VWA8: variants seen among roughly 807,000 people sequenced by gnomAD.
VWA8 encodes the protein von Willebrand factor A domain containing 8.
Under a neutral mutation model 241.5 loss-of-function variants are expected in VWA8, and 221 were observed. The ratio of observed to expected loss-of-function variants is 0.91; its 90% CI spans 0.82 to 1.02. VWA8 has a LOEUF of 1.02. Among genes scored for constraint, VWA8 ranks in the 50% least tolerant of loss-of-function variants. The pLI, the probability that VWA8 is intolerant of heterozygous loss-of-function variation, is 0.00. For synonymous variants in VWA8, 852 were observed against 827.1 expected (o/e 1.03, Z -0.52); for missense variants, 2,322 against 2,328.7 (o/e 1.00, Z 0.06).
At chr13:41,739,941 G>A (rs1004826838) in intron 21 of VWA8, among the ~76,000 whole-genome samples, 29 of 143,040 alleles carry the variant, frequency 2.0e-4, no homozygotes, top group Non-Finnish European at 2.3e-4. Flanking sequence ...TGCAAGCTCC[G>A]CCTCCCAGGT....
Position 41,949,885 on chromosome 13 carries a change from A to G in VWA8, c.241+51T>C, listed in dbSNP as rs113288631. On this transcript the variant is annotated intron_variant, in intron 2 of 44. Transcript: ENST00000379310. ...GCTTTAAATAACTTTGAAAATTCCT[A>G]TAATGAAAAGTTAAAAGTTATTCAT... 495 of 1,143,788 alleles carry G rather than the reference A, an allele frequency of 4.3e-4. 5 individuals carry two copies. In the African/African-American group the frequency reaches 6.4e-3, roughly 15 times the overall value. 70.9% of individuals were successfully genotyped at this position (1,143,788 alleles called of 1,614,324 possible).
intron 42 of VWA8, among the ~76,000 whole-genome samples, chr13:41,578,223 T>C (rs1340221562): frequency 6.6e-6 from 1 of 152,194 alleles, no homozygotes; most frequent in African/African-American, 2.4e-5. Flanking sequence ...GACCAGCCTT[T>C]GTCTGTGCCT....
chr13:41,957,497 T>C (rs541849302), intron 1 of VWA8, among the ~76,000 whole-genome samples: 4 of 152,142 alleles, frequency 2.6e-5, no homozygotes, highest in African/African-American at 9.7e-5. Flanking sequence ...TCCCAGCTAC[T>C]TGGGAGGCTG....
rs376164036 is a variant in VWA8 at position 41,585,293 on chromosome 13, T to C, written c.5271+2219A>G. ...CTGCGTGACAATCATACCACCTCCC[T>C]GGAGGCATCGGAATGGCACCCTGAA... On this transcript the variant is annotated intron_variant, in intron 42 of 44. Transcript: ENST00000379310. Among the ~76,000 whole-genome samples the C allele has an allele frequency of 7.9e-5, 12 of 152,320 alleles. No homozygotes were observed. The East Asian group carries it at 1.7e-3, about 22-fold the overall frequency.
intron 2 of VWA8, among the ~76,000 whole-genome samples, chr13:41,932,054 C>CCTCT: frequency 6.6e-6 from 1 of 152,076 alleles, no homozygotes; most frequent in South Asian, 2.1e-4. Flanking sequence ...AATTGACAAA[C>CCTCT]CTCTGGTCAG....
intron 37 of VWA8, among the ~76,000 whole-genome samples, chr13:41,633,791 G>A (rs1025834113): frequency 6.6e-5 from 10 of 152,090 alleles, no homozygotes; most frequent in African/African-American, 9.6e-5. Context: ...TTCTACAATC[G>A]AACATAGGCG....
intron 43 of VWA8, among the ~76,000 whole-genome samples, chr13:41,571,848 A>G (rs1279550237): frequency 1.4e-5 from 2 of 143,938 alleles, no homozygotes; most frequent in Non-Finnish European, 3.0e-5. Context: ...CTGGCCGCCC[A>G]GTCTGGGAAG....
chr13:41,870,631 G>A (rs1453320360), intron 9 of VWA8, among the ~76,000 whole-genome samples: 2 of 133,832 alleles, frequency 1.5e-5, no homozygotes, highest in Non-Finnish European at 3.1e-5. Context: ...GCAAGACTCC[G>A]TCTCAAAAAA....
chr13:41,863,080 G>A (rs1460036350), intron 12 of VWA8, among the ~76,000 whole-genome samples: 4 of 152,092 alleles, frequency 2.6e-5, no homozygotes, highest in Non-Finnish European at 5.9e-5. Context: ...AAACACTTGA[G>A]TCAGTGGGCT....
chr13:41,752,058 C>T (rs929485984), intron 21 of VWA8, among the ~76,000 whole-genome samples: 1 of 152,100 alleles, frequency 6.6e-6, no homozygotes, highest in Non-Finnish European at 1.5e-5. Context: ...TTCCCCCCAC[C>T]CTCCACATAG....
intron 36 of VWA8, 119 bp from the exon 37 acceptor site, chr13:41,671,266 ATACCTGCTC>A: frequency 9.1e-7 from 1 of 1,101,084 alleles, no homozygotes; most frequent in Non-Finnish European, 1.3e-6. Flanking sequence ...TCATTATTTT[ATACCTGCTC>A]TTACCTCTGT....
At chr13:41,579,848 AT>A (rs1270596051) in intron 42 of VWA8, among the ~76,000 whole-genome samples, 1 of 151,948 alleles carries the variant, frequency 6.6e-6, no homozygotes, top group Non-Finnish European at 1.5e-5. Flanking sequence ...GGTTGTTTTT[AT>A]TTTTTGATTT....
intron 28 of VWA8, among the ~76,000 whole-genome samples, chr13:41,700,652 C>A (rs1020394554): frequency 2.0e-5 from 3 of 152,114 alleles, no homozygotes; most frequent in Admixed American, 6.5e-5. Context: ...CATACAGATA[C>A]AAGATTTATA....
At chr13:41,656,427 G>A (rs2044905931) in intron 37 of VWA8, among the ~76,000 whole-genome samples, 1 of 152,074 alleles carries the variant, frequency 6.6e-6, no homozygotes. Context: ...TCCAATATGA[G>A]TGAGCTCTTT....
intron 19 of VWA8, among the ~76,000 whole-genome samples, chr13:41,782,398 T>C (rs1868930175): frequency 6.6e-6 from 1 of 152,212 alleles, no homozygotes; most frequent in Non-Finnish European, 1.5e-5. Flanking sequence ...CTTTCCACTA[T>C]ATGAATAGAG....
intron 17 of VWA8, among the ~76,000 whole-genome samples, chr13:41,788,228 T>C (rs1313770471): frequency 6.6e-6 from 1 of 152,230 alleles, no homozygotes; most frequent in African/African-American, 2.4e-5. Flanking sequence ...ATGGTACCCA[T>C]GGTTTAACTA....
chr13:41,698,995 T>C (rs2045231958), intron 29 of VWA8, 76 bp downstream of exon 29: 1 of 1,587,172 alleles, frequency 6.3e-7, no homozygotes, highest in Admixed American at 1.7e-5. Flanking sequence ...GCACATCTTT[T>C]CAGTTATAGG....
At chr13:41,926,559 T>C (rs1876851502) in intron 2 of VWA8, 2 of 546,458 alleles carry the variant, frequency 3.7e-6, no homozygotes, top group East Asian at 5.0e-5. Context: ...AATGAAGGGA[T>C]TGATTTGAGG....
intron 20 of VWA8, among the ~76,000 whole-genome samples, chr13:41,770,345 G>T (rs985687521): frequency 2.0e-5 from 3 of 151,832 alleles, no homozygotes; most frequent in Non-Finnish European, 4.4e-5. Context: ...GGAGGCTTAG[G>T]CAGGAGAATG....
Sources: allele counts gnomAD v4.1 joint callset (sites outside exome capture counted in the v4.1 genomes callset), GRCh38; gene constraint gnomAD v4.1.1; transcripts MANE v1.5; gene names NCBI Gene and HGNC (gene_info 2026-07-23, HGNC 2026-07-21).